The following ABCB4 variants were observed in gnomAD, a reference collection of about 807,000 sequenced individuals.
The protein encoded by ABCB4 is ATP binding cassette subfamily B member 4, also known as phosphatidylcholine translocator ABCB4.
A neutral mutation model predicts 145.7 loss-of-function variants in ABCB4; 76 were observed. That is an observed-to-expected ratio of 0.52 (90% confidence interval 0.43 to 0.63). ABCB4 has a LOEUF of 0.63. ABCB4 is among the 30% of genes least tolerant of loss of function. The probability of loss-of-function intolerance (pLI) is 0.00; values close to 1 mark genes in which losing one functional copy is unlikely to be tolerated. For missense variants in ABCB4, 1,234 were observed against 1,553.1 expected, an observed-to-expected ratio of 0.79 and a Z score of 3.45; for synonymous variants, 517 against 566.8, an observed-to-expected ratio of 0.91 and a Z score of 1.25.
chr7:87,409,244 G>T lies in ABCB4; in HGVS notation c.3073C>A (p.Leu1025Met), dbSNP rs970022822. 3.1e-6 allele frequency: 5 copies of T among 1,613,892 alleles called. No homozygotes were observed. In the African/African-American group the frequency reaches 6.7e-5, roughly 22 times the overall value. The change falls in exon 24 of 28, where the codon CTG becomes ATG. Residue 1025 changes from leucine (L) to methionine (M), a missense_variant. Leu to Met is a conservative substitution (Grantham distance 15). Around this residue, in one of 7 missense-constraint regions of ABCB4, gnomAD observed 301 missense variants for 389.0 expected, o/e 0.77. Transcript: ENST00000649586. ...GGCATCAGAGAACTTACAGGCTTCA[G>T]CCCCTCTTCACTGTAGCTGTCAATC... ...PLIDSYSEEG[L>M]KPDKFEGNIT...
the ABCB4 span, among the ~76,000 whole-genome samples, chr7:87,389,479 T>C: frequency 6.6e-6 from 1 of 152,140 alleles, no homozygotes; most frequent in African/African-American, 2.4e-5. Context: ...TGCAGGGACA[T>C]GGATGAAGCT....
chr7:87,471,706 G>T (rs1344196831), intron 3 of ABCB4, among the ~76,000 whole-genome samples: 1 of 152,296 alleles, frequency 6.6e-6, no homozygotes, highest in East Asian at 1.9e-4. Flanking sequence ...TACCAAAAAT[G>T]GGCAAATGCT....
chr7:87,384,487 G>A, the ABCB4 span, among the ~76,000 whole-genome samples: 5 of 152,172 alleles, frequency 3.3e-5, no homozygotes, highest in East Asian at 1.9e-4. Context: ...AGCTGAGATC[G>A]TGCCACTGCA....
At chr7:87,466,314 A>G (rs1356995138) in intron 3 of ABCB4, among the ~76,000 whole-genome samples, 1 of 152,228 alleles carries the variant, frequency 6.6e-6, no homozygotes, top group Non-Finnish European at 1.5e-5. Flanking sequence ...TGAAGATCAA[A>G]TGAATGAAAT....
At chr7:87,397,111 TGGGAGGGATTACACTA>T (rs1224362252), downstream of ABCB4, among the ~76,000 whole-genome samples, 1 of 152,086 alleles carries the variant, frequency 6.6e-6, no homozygotes, top group Non-Finnish European at 1.5e-5. Flanking sequence ...CCCAGCACTT[TGGGAGGGATTACACTA>T]GATCACTTGA....
intron 14 of ABCB4, among the ~76,000 whole-genome samples, chr7:87,435,833 G>A (rs535226503): frequency 6.6e-6 from 1 of 152,332 alleles, no homozygotes; most frequent in East Asian, 1.9e-4. Context: ...CCTAAAACAT[G>A]TGACATTGGC....
intron 6 of ABCB4, 67 bp from the exon 7 acceptor site, chr7:87,451,861 C>A (rs1456931846): frequency 2.0e-6 from 3 of 1,467,536 alleles, no homozygotes; most frequent in Middle Eastern, 1.7e-4. Context: ...AGTAGACATC[C>A]AACAAACACA....
At chr7:87,443,172 G>A in intron 12 of ABCB4, 147 bp downstream of exon 12, 1 of 986,976 alleles carries the variant, frequency 1.0e-6, no homozygotes, top group South Asian at 1.3e-5. Context: ...GCCCAAGGGT[G>A]TGAAGGCATT....
chr7:87,421,358 A>G (rs757853448), intron 18 of ABCB4, among the ~76,000 whole-genome samples: 15 of 152,032 alleles, frequency 9.9e-5, no homozygotes, highest in African/African-American at 1.9e-4. Context: ...TACAGGTTCT[A>G]TGCATCAGCC....
chr7:87,440,088 G>T, intron 13 of ABCB4, 111 bp downstream of exon 13: 1 of 1,294,484 alleles, frequency 7.7e-7, no homozygotes, highest in Non-Finnish European at 1.1e-6. Context: ...ATCTAGCAAA[G>T]TTGGACAATC....
chr7:87,466,161 G>C (rs1219913565), intron 3 of ABCB4, among the ~76,000 whole-genome samples: 20 of 152,172 alleles, frequency 1.3e-4, no homozygotes, highest in Non-Finnish European at 2.9e-5. Context: ...AAAAAGAATA[G>C]ATGAATGGCT....
intron 16 of ABCB4, 146 bp from the exon 17 acceptor site, chr7:87,424,198 G>A (rs1809651781): frequency 1.1e-6 from 1 of 936,772 alleles, no homozygotes; most frequent in Non-Finnish European, 1.7e-6. Context: ...GAGTAGGACA[G>A]TATATTATAA....
chr7:87,393,297 C>A, the ABCB4 span, among the ~76,000 whole-genome samples: 1 of 152,172 alleles, frequency 6.6e-6, no homozygotes, highest in South Asian at 2.1e-4. Flanking sequence ...AACACTGTTT[C>A]AAGTCGATTC....
chr7:87,430,377 T>C (rs45579832), intron 15 of ABCB4, among the ~76,000 whole-genome samples: 196 of 152,338 alleles, frequency 1.3e-3, no homozygotes, highest in African/African-American at 4.4e-3. Context: ...CTTTCACAAA[T>C]AGAATCGTTC....
chr7:87,366,278 T>C, the ABCB4 span, among the ~76,000 whole-genome samples: 11 of 152,114 alleles, frequency 7.2e-5, no homozygotes, highest in African/African-American at 2.4e-4. Flanking sequence ...ACAGGGCCTG[T>C]GGGAGGTGTT....
At chr7:87,423,853 G>A in intron 17 of ABCB4, 53 bp downstream of exon 17, 5 of 1,609,534 alleles carry the variant, frequency 3.1e-6, no homozygotes, top group Non-Finnish European at 3.4e-6. Flanking sequence ...GGGAGAAGCA[G>A]CAGCTGATGA....
chr7:87,460,871 C>T (rs1043003049), intron 4 of ABCB4, among the ~76,000 whole-genome samples: 3 of 152,150 alleles, frequency 2.0e-5, no homozygotes, highest in African/African-American at 4.8e-5. Context: ...TCATCCTGCT[C>T]TATATGTATA....
At chr7:87,466,202 A>G (rs1812883622) in intron 3 of ABCB4, among the ~76,000 whole-genome samples, 1 of 152,222 alleles carries the variant, frequency 6.6e-6, no homozygotes, top group Non-Finnish European at 1.5e-5. Flanking sequence ...AGAAGTCCTT[A>G]AAGGACCTGA....
the ABCB4 span, among the ~76,000 whole-genome samples, chr7:87,386,960 C>T: frequency 6.6e-6 from 1 of 152,124 alleles, no homozygotes; most frequent in Non-Finnish European, 1.5e-5. Flanking sequence ...ATAAGGGTGT[C>T]TGTCTGCCTT....
Sources: allele counts gnomAD v4.1 joint callset (sites outside exome capture counted in the v4.1 genomes callset), GRCh38; gene constraint gnomAD v4.1.1; regional missense constraint gnomAD v4.1.1; transcripts MANE v1.5; gene names NCBI Gene and HGNC (gene_info 2026-07-23, HGNC 2026-07-21).